Variants in SMYD3 observed in about 807,000 individuals in gnomAD.
SMYD3 encodes the protein histone-lysine N-methyltransferase SMYD3.
A neutral mutation model predicts 57.7 loss-of-function variants in SMYD3; 36 were observed. That is an observed-to-expected ratio of 0.62 (90% CI 0.48 to 0.82). SMYD3 has a LOEUF of 0.82. Ranked by LOEUF, SMYD3 falls within the 40% of genes least tolerant of loss-of-function variation. SMYD3 has a pLI of 0.00. For missense variants in SMYD3, 515 were observed against 538.8 expected, an observed-to-expected ratio of 0.96 and a Z score of 0.44; for synonymous variants, 211 against 195.0, an observed-to-expected ratio of 1.08 and a Z score of -0.68.
intron 10 of SMYD3, among the ~76,000 whole-genome samples, chr1:245,798,867 A>C (rs1050204914): frequency 1.3e-5 from 2 of 151,960 alleles, no homozygotes; most frequent in Non-Finnish European, 2.9e-5. Flanking sequence ...TCAACCCCTC[A>C]GCCCAGCCTT....
chr1:246,486,803 A>C (rs2068195237), intron 1 of SMYD3, among the ~76,000 whole-genome samples: 1 of 152,170 alleles, frequency 6.6e-6, no homozygotes. Flanking sequence ...CCCCCAAAAA[A>C]ACTAATTCAC....
intron 5 of SMYD3, among the ~76,000 whole-genome samples, chr1:246,064,362 A>T (rs2060306030): frequency 6.6e-6 from 1 of 152,106 alleles, no homozygotes; most frequent in African/African-American, 2.4e-5. Flanking sequence ...AGTCAAACTG[A>T]ACTATTAAAT....
At chr1:246,235,838 G>A (rs1298974920) in intron 5 of SMYD3, among the ~76,000 whole-genome samples, 5 of 152,174 alleles carry the variant, frequency 3.3e-5, no homozygotes, top group Non-Finnish European at 5.9e-5. Flanking sequence ...ATGAGCCACT[G>A]AGTGGCTACT....
At chr1:246,240,773 G>A (rs2063595048) in intron 5 of SMYD3, among the ~76,000 whole-genome samples, 1 of 152,190 alleles carries the variant, frequency 6.6e-6, no homozygotes, top group African/African-American at 2.4e-5. Context: ...TCATTGAGCA[G>A]TGGTTTGTGG....
intron 1 of SMYD3, among the ~76,000 whole-genome samples, chr1:246,404,808 C>T (rs1197601840): frequency 1.3e-5 from 2 of 152,176 alleles, no homozygotes; most frequent in African/African-American, 4.8e-5. Flanking sequence ...CATGTGACTA[C>T]TGGCTGATTA....
At chr1:246,043,729 T>C (rs754245860) in intron 5 of SMYD3, among the ~76,000 whole-genome samples, 2 of 152,248 alleles carry the variant, frequency 1.3e-5, no homozygotes, top group African/African-American at 4.8e-5. Flanking sequence ...ATGAATAATA[T>C]GTGCAGTCAA....
At chr1:246,266,427 T>G (rs899578741) in intron 5 of SMYD3, among the ~76,000 whole-genome samples, 1 of 140,244 alleles carries the variant, frequency 7.1e-6, no homozygotes, top group African/African-American at 2.6e-5. Context: ...ATTAATATAT[T>G]GAGTATAGAA....
At chr1:246,162,384 C>A (rs1313102458) in intron 5 of SMYD3, among the ~76,000 whole-genome samples, 1 of 152,194 alleles carries the variant, frequency 6.6e-6, no homozygotes, top group East Asian at 1.9e-4. Context: ...CCTAAGTTGA[C>A]ACCATATAAA....
At chr1:246,469,790 G>A (rs1383416450) in intron 1 of SMYD3, among the ~76,000 whole-genome samples, 4 of 152,112 alleles carry the variant, frequency 2.6e-5, no homozygotes, top group Admixed American at 1.3e-4. Flanking sequence ...AAAAACTGAC[G>A]AGGAATAGAC....
At chr1:245,821,976 G>T (rs530917663) in intron 10 of SMYD3, among the ~76,000 whole-genome samples, 3,951 of 152,090 alleles carry the variant, frequency 0.026, 156 homozygotes, top group African/African-American at 0.089. Flanking sequence ...AACCATTGTG[G>T]AAGTCAGTGT....
intron 5 of SMYD3, among the ~76,000 whole-genome samples, chr1:246,167,581 G>A (rs2148226651): frequency 6.7e-6 from 1 of 150,124 alleles, no homozygotes; most frequent in Middle Eastern, 3.4e-3. Context: ...CATGATCTCA[G>A]CTCACGGCAA....
intron 5 of SMYD3, among the ~76,000 whole-genome samples, chr1:246,240,675 C>T (rs1333412479): frequency 6.6e-6 from 1 of 152,158 alleles, no homozygotes; most frequent in Non-Finnish European, 1.5e-5. Flanking sequence ...TACAAATTAC[C>T]TTGGGCTGTA....
At chr1:246,047,865 A>C (rs1336077470) in intron 5 of SMYD3, among the ~76,000 whole-genome samples, 1 of 152,080 alleles carries the variant, frequency 6.6e-6, no homozygotes, top group African/African-American at 2.4e-5. Flanking sequence ...AAATGTGAAA[A>C]TAATTATATA....
intron 10 of SMYD3, among the ~76,000 whole-genome samples, chr1:245,816,003 A>G (rs904531027): frequency 1.4e-4 from 21 of 152,152 alleles, no homozygotes; most frequent in Admixed American, 9.2e-4. Context: ...GCGGCATGCC[A>G]TTCTTTCAAA....
chr1:246,088,001 GA>G (rs930979573), intron 5 of SMYD3, among the ~76,000 whole-genome samples: 9 of 151,666 alleles, frequency 5.9e-5, no homozygotes, highest in East Asian at 3.9e-4. Context: ...CACTAATAAG[GA>G]AAAAAAAGAG....
chr1:246,479,170 C>T (rs986453427), intron 1 of SMYD3, among the ~76,000 whole-genome samples: 11 of 151,140 alleles, frequency 7.3e-5, no homozygotes, highest in East Asian at 1.9e-4. Flanking sequence ...TCCTCTGTCC[C>T]GGAGCTAGTG....
intron 1 of SMYD3, among the ~76,000 whole-genome samples, chr1:246,473,209 A>C (rs2067983729): frequency 1.3e-5 from 2 of 152,076 alleles, no homozygotes; most frequent in South Asian, 4.1e-4. Flanking sequence ...GTTTTAGTTT[A>C]TCTTTTTACA....
intron 5 of SMYD3, among the ~76,000 whole-genome samples, chr1:246,010,328 A>G (rs1185426341): frequency 1.3e-5 from 2 of 152,066 alleles, no homozygotes; most frequent in East Asian, 1.9e-4. Flanking sequence ...CCTCTCCTTC[A>G]TCAGTTCACT....
intron 5 of SMYD3, among the ~76,000 whole-genome samples, chr1:246,041,703 G>C (rs2059877294): frequency 6.6e-6 from 1 of 151,900 alleles, no homozygotes; most frequent in Non-Finnish European, 1.5e-5. Context: ...GGGTATATCA[G>C]AAAAATCATG....
Sources: allele counts gnomAD v4.1 joint callset (sites outside exome capture counted in the v4.1 genomes callset), GRCh38; gene constraint gnomAD v4.1.1; transcripts MANE v1.5; gene names NCBI Gene and HGNC (gene_info 2026-07-23, HGNC 2026-07-21).